Variants in HIBCH observed in about 807,000 individuals in gnomAD.
The protein encoded by HIBCH is 3-hydroxyisobutyryl-CoA hydrolase, mitochondrial.
In HIBCH, 50 loss-of-function variants were observed where a neutral mutation model predicts 58.2. The ratio of observed to expected loss-of-function variants is 0.86; its 90% CI spans 0.68 to 1.09. The LOEUF (loss-of-function observed/expected upper bound fraction) is 1.09. Ranked by LOEUF, HIBCH falls within the 50% of genes least tolerant of loss-of-function variation. HIBCH has a pLI of 0.00. For missense variants in HIBCH, 450 were observed against 449.7 expected, an observed-to-expected ratio of 1.00 and a Z score of -0.01; for synonymous variants, 151 against 146.9, an observed-to-expected ratio of 1.03 and a Z score of -0.20.
intron 11 of HIBCH, among the ~76,000 whole-genome samples, chr2:190,223,960 G>C (rs1050389227): frequency 6.6e-6 from 1 of 152,176 alleles, no homozygotes; most frequent in African/African-American, 2.4e-5. Context: ...GCGGGGGATC[G>C]CCTCACCTGA....
In HIBCH at chr2:190,279,310, G is replaced by A. The variant is rs941085636; in HGVS notation, c.438+8276C>T. Among the ~76,000 whole-genome samples, 13 of 152,058 alleles carry A rather than the reference G, an allele frequency of 8.5e-5. No homozygotes were observed. The highest frequency in any genetic ancestry group is 1.3e-4 in the Non-Finnish European group (9 of 68,016). On this transcript the variant is annotated intron_variant, in intron 6 of 13. Transcript: ENST00000359678. The surrounding 1 kb of genome is among the most constrained non-coding windows in gnomAD (Gnocchi z 4.2). ...AGGATTAAGTTTCAACATGAGTTTC[G>A]GTGGGGACAAATATTCAAACCGTAG...
intron 11 of HIBCH, among the ~76,000 whole-genome samples, chr2:190,239,197 CCAA>C (rs764797661): frequency 7.2e-5 from 11 of 152,158 alleles, no homozygotes; most frequent in South Asian, 2.1e-4. Flanking sequence ...GCCAAGTTTC[CCAA>C]CAACATTTAT....
intron 6 of HIBCH, among the ~76,000 whole-genome samples, chr2:190,274,067 G>A (rs113234202): frequency 8.5e-5 from 13 of 152,230 alleles, no homozygotes; most frequent in East Asian, 1.9e-4. Context: ...CTCCCAAAGC[G>A]CTGGGATTAC....
chr2:190,302,209 C>G (rs1223804760), intron 2 of HIBCH, among the ~76,000 whole-genome samples: 1 of 152,184 alleles, frequency 6.6e-6, no homozygotes, highest in Non-Finnish European at 1.5e-5. Context: ...TGGCAGAAGC[C>G]AAGAGCAAGC....
At position 190,258,636 on chromosome 2, in the gene HIBCH, C is replaced by T. The variant is rs1686999305; in HGVS notation, c.517+2520G>A. Among the ~76,000 whole-genome samples the T allele has an allele frequency of 3.3e-5, 5 of 152,174 alleles. No homozygotes were observed. The South Asian group carries it at 6.2e-4, about 19-fold the overall frequency. On this transcript the variant is annotated intron_variant, in intron 7 of 13. Transcript: ENST00000359678. Reference sequence around the variant, plus strand: ...CAACATGTGTATATACGACAACAATCGTATATTTTTGTTTTTGTTGCCTGA... The same window carrying T: ...CAACATGTGTATATACGACAACAATTGTATATTTTTGTTTTTGTTGCCTGA...
intron 13 of HIBCH, 35 bp from the exon 14 acceptor site, chr2:190,205,267 T>C (rs760799108): frequency 1.5e-5 from 17 of 1,144,794 alleles, no homozygotes; most frequent in Middle Eastern, 3.9e-4. Flanking sequence ...AATACCATTA[T>C]TTTTGTCTAA....
chr2:190,317,828 C>CTT (rs1240933820), intron 1 of HIBCH, among the ~76,000 whole-genome samples: 1 of 142,496 alleles, frequency 7.0e-6, no homozygotes, highest in African/African-American at 2.6e-5. Flanking sequence ...TCCTTTTTTC[C>CTT]TTTTTTTTTT....
intron 1 of HIBCH, among the ~76,000 whole-genome samples, chr2:190,198,655 AG>A (rs1220237517): frequency 5.2e-4 from 72 of 138,712 alleles, no homozygotes; most frequent in South Asian, 2.2e-3. Flanking sequence ...AAAAAAAAAA[AG>A]GTGTTTTCAG....
Position 190,197,266 on chromosome 2 carries a change from A to C in HIBCH, c.*18-7269T>G, listed in dbSNP as rs1027247762. Among the ~76,000 whole-genome samples the C allele has an allele frequency of 4.6e-5, 7 of 152,162 alleles. No homozygotes were observed. Among genetic ancestry groups the C allele is most frequent in the Non-Finnish European group, 8.8e-5 (6 of 68,028 alleles). Reference sequence around the variant, plus strand: ...AAACCTTGTTTAGGGTATACTACTGATTCCTAAGGTGTCGCATTTCTTGAG... The same window carrying C: ...AAACCTTGTTTAGGGTATACTACTGCTTCCTAAGGTGTCGCATTTCTTGAG... On this transcript the variant is annotated intron_variant, in intron 1 of 1. Coordinates refer to the HIBCH transcript ENST00000399855. This position sits in a 1 kb window ranked among gnomAD's most constrained non-coding sequence, Gnocchi z 4.0.
intron 1 of HIBCH, among the ~76,000 whole-genome samples, chr2:190,196,110 T>C: frequency 6.6e-6 from 1 of 152,138 alleles, no homozygotes. Context: ...TGGAAGGCTT[T>C]TTCATATGTT....
downstream of HIBCH, chr2:190,203,907 A>G (rs1690323904): frequency 6.6e-6 from 1 of 152,110 alleles, no homozygotes; most frequent in Non-Finnish European, 1.5e-5. Context: ...TATGGGATGA[A>G]GGAGAAACTA....
rs291439 is a variant in HIBCH, at chr2:190,306,710, G to A, written c.78+4044C>T. ...ATATTAAGAAGCTAACTATTAGCTT[G>A]TATAGTACTACAGACTGAATGCTTG... is the stretch of plus-strand genomic sequence containing the variant. On this transcript the variant is annotated intron_variant, in intron 2 of 13. Transcript: ENST00000359678. This position sits in a 1 kb window ranked among gnomAD's most constrained non-coding sequence, Gnocchi z 4.6. Among the ~76,000 whole-genome samples, 109,054 of 152,144 alleles carry A rather than the reference G, an allele frequency of 0.72. 39,652 individuals carry two copies. The highest frequency in any genetic ancestry group is 0.75 in the South Asian group (3,637 of 4,826).
intron 1 of HIBCH, among the ~76,000 whole-genome samples, chr2:190,194,042 G>C (rs1689846083): frequency 6.6e-6 from 1 of 151,822 alleles, no homozygotes; most frequent in African/African-American, 2.4e-5. Context: ...TTGTCCCATG[G>C]GTTATTTAGA....
chr2:190,195,223 C>T (rs1393176246), intron 1 of HIBCH, among the ~76,000 whole-genome samples: 3 of 152,144 alleles, frequency 2.0e-5, no homozygotes, highest in African/African-American at 7.2e-5. Context: ...TACCCATTCA[C>T]CAAGAAGGAC....
chr2:190,284,069 C>T (rs1687774049), intron 6 of HIBCH, among the ~76,000 whole-genome samples: 2 of 152,166 alleles, frequency 1.3e-5, no homozygotes, highest in Non-Finnish European at 2.9e-5. Context: ...AAGACTTAAT[C>T]CTCTGGTGGA....
At chr2:190,253,091 AG>A (rs543702662) in intron 7 of HIBCH, among the ~76,000 whole-genome samples, 70 of 152,260 alleles carry the variant, frequency 4.6e-4, no homozygotes, top group African/African-American at 1.6e-3. Flanking sequence ...GGTGAGGCTG[AG>A]GCAGGAGAAT....
At chr2:190,198,918 C>G (rs1005347892) in intron 1 of HIBCH, among the ~76,000 whole-genome samples, 1 of 152,142 alleles carries the variant, frequency 6.6e-6, no homozygotes. Context: ...AAACATCAAA[C>G]AAGGGTAGGA....
In HIBCH at chr2:190,217,800, G is replaced by T. The variant is rs1046891867; in HGVS notation, c.892-4725C>A. Among the ~76,000 whole-genome samples, 11 of 152,084 alleles carry T rather than the reference G, an allele frequency of 7.2e-5. No individual in the cohort carries two copies. Among genetic ancestry groups the T allele is most frequent in the African/African-American group, 1.7e-4 (7 of 41,384 alleles). Reference sequence around the variant, plus strand: ...AAACAGCCACATAAACAGCTGAACCGGGGTGAGCACATTACACTCGGGTCA... The same window carrying T: ...AAACAGCCACATAAACAGCTGAACCTGGGTGAGCACATTACACTCGGGTCA... On this transcript the variant is annotated intron_variant, in intron 11 of 13. Transcript: ENST00000359678. This position sits in a 1 kb window ranked among gnomAD's most constrained non-coding sequence, Gnocchi z 4.6.
chr2:190,252,526 C>G (rs1686805284), intron 7 of HIBCH, among the ~76,000 whole-genome samples: 1 of 152,088 alleles, frequency 6.6e-6, no homozygotes, highest in Non-Finnish European at 1.5e-5. Context: ...TGTCTCATTT[C>G]TATAGAAGTC....
Sources: allele counts gnomAD v4.1 joint callset (sites outside exome capture counted in the v4.1 genomes callset), GRCh38; gene constraint gnomAD v4.1.1; non-coding constraint Gnocchi (gnomAD v3.1); transcripts MANE v1.5; gene names NCBI Gene and HGNC (gene_info 2026-07-23, HGNC 2026-07-21).